NKAIN2: variants seen among roughly 807,000 people sequenced by gnomAD.
NKAIN2 encodes the protein sodium/potassium transporting ATPase interacting 2, also known as sodium/potassium-transporting ATPase subunit beta-1-interacting protein 2.
NKAIN2 carries 14 observed loss-of-function variants against 32.6 expected under a neutral mutation model. That is an observed-to-expected ratio of 0.43 (90% CI 0.28 to 0.67). The LOEUF (loss-of-function observed/expected upper bound fraction) is 0.67. Ranked by LOEUF, NKAIN2 falls within the 30% of genes least tolerant of loss-of-function variation. The probability of loss-of-function intolerance (pLI) is 0.17; values close to 1 mark genes in which losing one functional copy is unlikely to be tolerated. For missense variants in NKAIN2, 198 were observed against 258.3 expected (o/e 0.77, Z 1.60); for synonymous variants, 80 against 87.2 (o/e 0.92, Z 0.46).
At chr6:124,394,110 T>G (rs190721472) in intron 3 of NKAIN2, among the ~76,000 whole-genome samples, 1 of 152,256 alleles carries the variant, frequency 6.6e-6, no homozygotes, top group Admixed American at 6.5e-5. Flanking sequence ...GTCTAATATT[T>G]TAAGGCCATG....
At chr6:123,898,125 G>C (rs1774373783) in intron 1 of NKAIN2, among the ~76,000 whole-genome samples, 1 of 152,114 alleles carries the variant, frequency 6.6e-6, no homozygotes, top group Non-Finnish European at 1.5e-5. Context: ...GATGAATTAT[G>C]ATGATTGGAT....
In NKAIN2 at chr6:124,416,235, T is replaced by C. The variant is rs879729076; in HGVS notation, c.273+60888T>C. The stretch of plus-strand genomic sequence containing the variant: ...GATTTTCTTTGTACTTCAAATAATT[T>C]AAACTGGGTAACAATAACAGTTTAT... On this transcript the variant is annotated intron_variant, in intron 3 of 6. Transcript: ENST00000368417. Among the ~76,000 whole-genome samples, 4 of 152,192 alleles carry C rather than the reference T, an allele frequency of 2.6e-5. 1 individual carries two copies. The highest frequency in any genetic ancestry group is 2.6e-4 in the Admixed American group (4 of 15,278).
intron 1 of NKAIN2, among the ~76,000 whole-genome samples, chr6:123,831,113 G>A (rs1430444664): frequency 6.6e-6 from 1 of 152,102 alleles, no homozygotes; most frequent in Non-Finnish European, 1.5e-5. Context: ...ATCTTTCCAT[G>A]CTTGAAACTT....
chr6:124,198,318 G>A (rs773843866), intron 1 of NKAIN2, among the ~76,000 whole-genome samples: 3 of 151,754 alleles, frequency 2.0e-5, no homozygotes, highest in Admixed American at 2.0e-4. Context: ...TTCATGCTCC[G>A]CCCGTGTTGT....
At chr6:123,868,001 T>A (rs1317764718) in intron 1 of NKAIN2, among the ~76,000 whole-genome samples, 1 of 152,090 alleles carries the variant, frequency 6.6e-6, no homozygotes, top group East Asian at 1.9e-4. Context: ...CCCGAGTAGC[T>A]GGGACTACAG....
rs540843711 is a variant in NKAIN2 at position 124,435,450 on chromosome 6, G to T, written c.273+80103G>T. ...AAATGTGTGTTTTTTGTTTGCTATA[G>T]TTCTAAATGCTGTATATGTATTAAA... On this transcript the variant is annotated intron_variant, in intron 3 of 6. Coordinates refer to ENST00000368417, the MANE Select transcript of NKAIN2 (RefSeq NM_001040214.3). 1.1e-4 allele frequency among the ~76,000 whole-genome samples: 17 copies of T among 152,250 alleles called. No individual in the cohort carries two copies. The East Asian group carries it at 3.3e-3, about 29-fold the overall frequency.
At chr6:124,212,890 A>G (rs1257834117) in intron 1 of NKAIN2, among the ~76,000 whole-genome samples, 1 of 152,134 alleles carries the variant, frequency 6.6e-6, no homozygotes, top group Non-Finnish European at 1.5e-5. Context: ...TTCATGTATG[A>G]TCAAGGAATG....
intron 3 of NKAIN2, among the ~76,000 whole-genome samples, chr6:124,420,509 G>A (rs1036686117): frequency 2.0e-5 from 3 of 152,084 alleles, no homozygotes; most frequent in African/African-American, 7.2e-5. Context: ...AAGCTATAGG[G>A]TGATTTCTTT....
intron 3 of NKAIN2, among the ~76,000 whole-genome samples, chr6:124,540,454 CTGTAATGATCTA>C (rs1779871477): frequency 6.6e-6 from 1 of 152,202 alleles, no homozygotes; most frequent in Non-Finnish European, 1.5e-5. Context: ...TTTTGCGTAT[CTGTAATGATCTA>C]TGTTCTTTTT....
chr6:124,572,573 G>A (rs1394755497), intron 3 of NKAIN2, among the ~76,000 whole-genome samples: 2 of 152,072 alleles, frequency 1.3e-5, no homozygotes, highest in African/African-American at 2.4e-5. Context: ...AATGACAAGG[G>A]TGGCGCACAC....
intron 5 of NKAIN2, among the ~76,000 whole-genome samples, chr6:124,818,142 C>T (rs556797492): frequency 1.3e-5 from 2 of 152,004 alleles, no homozygotes; most frequent in African/African-American, 4.8e-5. Flanking sequence ...ATTTTTTCTA[C>T]CAAGTGAATA....
chr6:123,849,124 A>C (rs919849499), intron 1 of NKAIN2, among the ~76,000 whole-genome samples: 3 of 152,206 alleles, frequency 2.0e-5, no homozygotes, highest in African/African-American at 7.2e-5. Flanking sequence ...TCCTACACTG[A>C]TCCTGATACT....
At chr6:124,286,159 G>A (rs997733444) in intron 2 of NKAIN2, among the ~76,000 whole-genome samples, 11 of 152,008 alleles carry the variant, frequency 7.2e-5, no homozygotes, top group African/African-American at 2.4e-4. Flanking sequence ...GTCTGTGTAT[G>A]CTATATATCC....
intron 1 of NKAIN2, among the ~76,000 whole-genome samples, chr6:123,960,637 A>G (rs941846569): frequency 2.0e-5 from 3 of 151,766 alleles, no homozygotes; most frequent in African/African-American, 4.8e-5. Flanking sequence ...TTCATGTGCC[A>G]TAGCCTTGCC....
chr6:124,755,994 A>T (rs1583802742), intron 4 of NKAIN2, among the ~76,000 whole-genome samples: 1 of 152,002 alleles, frequency 6.6e-6, no homozygotes, highest in East Asian at 2.0e-4. Flanking sequence ...CTAGTACCTA[A>T]CCCAATGTCT....
chr6:124,545,428 A>C (rs1054574014), intron 3 of NKAIN2, among the ~76,000 whole-genome samples: 1 of 152,152 alleles, frequency 6.6e-6, no homozygotes. Context: ...GCAAGGTAGC[A>C]TCAAAAACAT....
rs1237556516 is a variant in NKAIN2 at position 124,138,971 on chromosome 6, A to G, written c.55-144034A>G. ...GATAAAAGACTACATATTGGGTACA[A>G]TGTATACTGCTTGAGTGACAGGTGC... On this transcript the variant is annotated intron_variant, in intron 1 of 6. Coordinates refer to ENST00000368417, the MANE Select transcript of NKAIN2 (RefSeq NM_001040214.3). 3.3e-5 allele frequency among the ~76,000 whole-genome samples: 5 copies of G among 151,454 alleles called. No individual in the cohort carries two copies. In the East Asian group the frequency reaches 5.8e-4, roughly 18 times the overall value.
chr6:124,668,267 A>G (rs1273722795), intron 4 of NKAIN2, among the ~76,000 whole-genome samples: 1 of 152,150 alleles, frequency 6.6e-6, no homozygotes, highest in Admixed American at 6.5e-5. Flanking sequence ...ATATGGCTCT[A>G]GAGTCATGGA....
intron 4 of NKAIN2, among the ~76,000 whole-genome samples, chr6:124,762,085 T>A (rs1778294561): frequency 2.0e-5 from 3 of 152,288 alleles, no homozygotes; most frequent in South Asian, 4.1e-4. Context: ...CAAGGGCTGC[T>A]ATAACAAAAT....
Sources: allele counts gnomAD v4.1 joint callset (sites outside exome capture counted in the v4.1 genomes callset), GRCh38; gene constraint gnomAD v4.1.1; transcripts MANE v1.5; gene names NCBI Gene and HGNC (gene_info 2026-07-23, HGNC 2026-07-21).